The following FBXW2 variants were observed in gnomAD, a reference collection of about 807,000 sequenced individuals.
FBXW2 encodes the protein F-box and WD repeat domain containing 2, also known as F-box/WD repeat-containing protein 2.
A neutral mutation model predicts 46.0 loss-of-function variants in FBXW2; 12 were observed. That is an observed-to-expected ratio of 0.26 (90% CI 0.17 to 0.42). FBXW2 has a LOEUF of 0.42. Among genes scored for constraint, FBXW2 ranks in the 10% least tolerant of loss-of-function variants. FBXW2 has a pLI of 1.00. For synonymous variants in FBXW2, 203 were observed against 209.6 expected (o/e 0.97, Z 0.27); for missense variants, 360 against 537.0 (o/e 0.67, Z 3.26).
rs1247429678 is a variant in FBXW2 at position 120,758,903 on chromosome 9, A to G, written c.*5656T>C. 1 of 152,164 alleles carries G rather than the reference A, an allele frequency of 6.6e-6. No homozygotes were observed. The highest frequency in any genetic ancestry group is 1.5e-5 in the Non-Finnish European group (1 of 68,026). 9.4% of individuals were successfully genotyped at this position (152,164 alleles called of 1,614,324 possible). A position where few individuals can be genotyped will look rare whatever the true frequency, so the allele number is the denominator to read the frequency against. ...TTCCAAGGTCTGGAAGCAAAATGGG[A>G]CTTTTACCCACCCCATCCCTTCATT... On this transcript the variant is annotated 3_prime_UTR_variant, in exon 8 of 8. Transcript: ENST00000608872.
intron 3 of FBXW2, among the ~76,000 whole-genome samples, chr9:120,781,397 C>T (rs1175318503): frequency 2.6e-5 from 4 of 152,150 alleles, no homozygotes; most frequent in Non-Finnish European, 4.4e-5. Context: ...CTGCCTAAAA[C>T]ATGAACACTG....
At chr9:120,776,574 A>G (rs1400686548) in intron 4 of FBXW2, 2 of 201,450 alleles carry the variant, frequency 9.9e-6, no homozygotes, top group Non-Finnish European at 2.0e-5. Flanking sequence ...CAAAACGTAC[A>G]TGGTCCTACT....
rs369590756 is a variant in FBXW2, at chr9:120,772,832, C to T, written c.828G>A (p.Leu276=). Residue 276 remains leucine (L), a synonymous_variant, in exon 6 of 8, where the codon TTG becomes TTA. Transcript: ENST00000608872. ...AGAGAGACTTGACTTTGCACTTCTG[C>T]AAAACTACCTGCAAATGTAAACCAT... The part of the protein sequence containing the change: ...GHTEWVTKVV[L]QKCKVKSLLH... 1.7e-5 allele frequency: 27 copies of T among 1,609,736 alleles called. No homozygotes were observed. In the African/African-American group the frequency reaches 3.2e-4, roughly 19 times the overall value.
At chr9:120,793,103 C>T (rs1451471334) in intron 2 of FBXW2, 46 bp downstream of exon 2, 1 of 725,706 alleles carries the variant, frequency 1.4e-6, no homozygotes, top group Non-Finnish European at 2.3e-6. Context: ...CCATTCGTTG[C>T]TCCCAGGTCC....
At chr9:120,776,672 A>G (rs2044503753) in intron 4 of FBXW2, 1 of 154,482 alleles carries the variant, frequency 6.5e-6, no homozygotes, top group African/African-American at 2.4e-5. Context: ...GTAAAGAGAG[A>G]AAAAACAAAA....
chr9:120,758,464 AAAG>A lies in FBXW2; in HGVS notation c.*6092_*6094del, dbSNP rs1422303194. 1 of 152,316 alleles carries A rather than the reference AAAG, an allele frequency of 6.6e-6. No homozygotes were observed. The highest frequency in any genetic ancestry group is 1.5e-5 in the Non-Finnish European group (1 of 68,088). The allele number at this position is 152,316 out of a possible 1,614,324, so 9.4% of individuals were successfully genotyped here. A position where few individuals can be genotyped will look rare whatever the true frequency, so the allele number is the denominator to read the frequency against. On this transcript the variant is annotated 3_prime_UTR_variant, in exon 8 of 8. Transcript: ENST00000608872. ...ATTGAACAAGAGCAAGTAAGTGCTC[AAAG>A]AAGTGGTTGGGGAGACTCCCTGGAA... is the stretch of plus-strand genomic sequence containing the variant.
chr9:120,770,746 C>T (rs1056413997), intron 7 of FBXW2, among the ~76,000 whole-genome samples: 4 of 152,214 alleles, frequency 2.6e-5, no homozygotes, highest in African/African-American at 9.7e-5. Flanking sequence ...CTCTTAATGA[C>T]CACATGGCAC....
chr9:120,776,892 G>A (rs183318259), intron 4 of FBXW2, among the ~76,000 whole-genome samples: 4 of 152,216 alleles, frequency 2.6e-5, no homozygotes, highest in Admixed American at 6.5e-5. Flanking sequence ...ATCTAAGTAG[G>A]GAGTGGAGGA....
intron 4 of FBXW2, 116 bp downstream of exon 4, chr9:120,778,235 A>G (rs1463567323): frequency 1.1e-6 from 1 of 894,748 alleles, no homozygotes; most frequent in Non-Finnish European, 1.7e-6. Flanking sequence ...AATGACTAAG[A>G]AAGAGGGTTG....
intron 5 of FBXW2, among the ~76,000 whole-genome samples, chr9:120,774,123 G>A (rs1183691813): frequency 1.3e-5 from 2 of 152,034 alleles, no homozygotes; most frequent in Non-Finnish European, 2.9e-5. Flanking sequence ...ATCACCTGAG[G>A]TCAGGAGTTC....
chr9:120,788,206 A>G lies in FBXW2; in HGVS notation c.53T>C (p.Leu18Pro). 1 of 1,614,200 alleles carries G rather than the reference A, an allele frequency of 6.2e-7. No homozygotes were observed. Among genetic ancestry groups the G allele is most frequent in the Non-Finnish European group, 8.5e-7 (1 of 1,180,038 alleles). The change falls in exon 3 of 8, where the codon CTT becomes CCT. Residue 18 changes from leucine to proline, a missense_variant. Leu to Pro is a moderately conservative substitution (Grantham distance 98, BLOSUM62 -3). Transcript: ENST00000608872. The part of the protein sequence containing the change: ...TWLDNISVTF[L>P]SLTDLQKNET... ...ATTTTTCTGCAAGTCCGTCAGAGAA[A>G]GAAATGTAACAGAAATGTTATCAAG... is the stretch of plus-strand genomic sequence containing the variant.
rs1332599921 is a variant in FBXW2, at chr9:120,787,891, T to C, written c.368A>G (p.Tyr123Cys). The change falls in exon 3 of 8, where the codon TAT (tyrosine) becomes TGT (cysteine). Residue 123 changes from tyrosine (Y) to cysteine (C), a missense_variant. Physicochemically the swap from Tyr to Cys is radical, Grantham distance 194 (BLOSUM62 -2). Transcript: ENST00000608872. Reference sequence around the variant, plus strand: ...CTTCATTCTCAAAATAGCCTTCAAATAAACCTTCTTCCAGTGCAAAGCGTC... The same window carrying C: ...CTTCATTCTCAAAATAGCCTTCAAACAAACCTTCTTCCAGTGCAAAGCGTC... ...VQDALHWKKV[Y>C]LKAILRMKQL... 2 of 1,614,224 alleles carry C rather than the reference T, an allele frequency of 1.2e-6. No individual in the cohort carries two copies. Among genetic ancestry groups the C allele is most frequent in the Non-Finnish European group, 1.7e-6 (2 of 1,180,042 alleles).
At chr9:120,766,277 A>G (rs2044274109) in intron 7 of FBXW2, among the ~76,000 whole-genome samples, 1 of 152,164 alleles carries the variant, frequency 6.6e-6, no homozygotes, top group Non-Finnish European at 1.5e-5. Flanking sequence ...TGAATAGTGA[A>G]AGATGTGTAA....
rs1408813783 is a variant in FBXW2, at chr9:120,759,196, A to G, written c.*5363T>C. ...CAAGACAAAGTCTTAACTACAGAAT[A>G]TATTTTTAAGGAAATGCAGCTTTAT... is the stretch of plus-strand genomic sequence containing the variant. On this transcript the variant is annotated 3_prime_UTR_variant, in exon 8 of 8. Coordinates refer to ENST00000608872, the MANE Select transcript of FBXW2 (RefSeq NM_012164.4). 6 of 152,246 alleles carry G rather than the reference A, an allele frequency of 3.9e-5. No individual in the cohort carries two copies. Among genetic ancestry groups the G allele is most frequent in the Admixed American group, 3.9e-4 (6 of 15,284 alleles). 9.4% of individuals were successfully genotyped at this position (152,246 alleles called of 1,614,324 possible). A position where few individuals can be genotyped will look rare whatever the true frequency, so the allele number is the denominator to read the frequency against.
chr9:120,775,127 G>A (rs899302434), intron 5 of FBXW2, among the ~76,000 whole-genome samples: 1 of 150,654 alleles, frequency 6.6e-6, no homozygotes, highest in Non-Finnish European at 1.5e-5. Flanking sequence ...GCACGATCTT[G>A]GCTCACTGCA....
rs549843081 is a variant in FBXW2 at position 120,783,416 on chromosome 9, GA to G, written c.490+4352del. On this transcript the variant is annotated intron_variant, in intron 3 of 7. Transcript: ENST00000608872. Reference sequence around the variant, plus strand: ...ATGTGGACTCTCACACTGCACGAAAGAAAAAAATCCCTCCCCATTCAGTATC... The same window carrying G: ...ATGTGGACTCTCACACTGCACGAAAGAAAAAATCCCTCCCCATTCAGTATC... 5.3e-5 allele frequency among the ~76,000 whole-genome samples: 8 copies of G among 152,018 alleles called. No individual in the cohort carries two copies. The South Asian group carries it at 1.7e-3, about 31-fold the overall frequency.
At chr9:120,785,899 T>G (rs1237834438) in intron 3 of FBXW2, among the ~76,000 whole-genome samples, 1 of 151,398 alleles carries the variant, frequency 6.6e-6, no homozygotes, top group Admixed American at 6.6e-5. Flanking sequence ...GGCGCACACC[T>G]GTAATCCCAG....
rs965722182 is a variant in FBXW2 at position 120,762,718 on chromosome 9, C to G, written c.*1841G>C. The G allele has an allele frequency of 1.3e-5, 2 of 152,244 alleles. No individual in the cohort carries two copies. The highest frequency in any genetic ancestry group is 2.9e-5 in the Non-Finnish European group (2 of 68,052). The allele number at this position is 152,244 out of a possible 1,614,324, so 9.4% of individuals were successfully genotyped here. A position where few individuals can be genotyped will look rare whatever the true frequency, so the allele number is the denominator to read the frequency against. On this transcript the variant is annotated 3_prime_UTR_variant, in exon 8 of 8. Coordinates refer to ENST00000608872, the MANE Select transcript of FBXW2 (RefSeq NM_012164.4). ...CATCATTCTCAGCTCTGCCAGCAAC[C>G]CTTTTTCTCACCTGTAAAATGGATA...
intron 5 of FBXW2, among the ~76,000 whole-genome samples, 165 bp downstream of exon 5, chr9:120,775,925 GTAT>G (rs1386696416): frequency 2.0e-5 from 3 of 152,136 alleles, no homozygotes; most frequent in African/African-American, 7.2e-5. Context: ...GTTAAACCAT[GTAT>G]TAAGTACCTT....
Sources: allele counts gnomAD v4.1 joint callset (sites outside exome capture counted in the v4.1 genomes callset), GRCh38; gene constraint gnomAD v4.1.1; transcripts MANE v1.5; gene names NCBI Gene and HGNC (gene_info 2026-07-23, HGNC 2026-07-21).